The following SYNE2 variants were observed in gnomAD, a reference collection of about 807,000 sequenced individuals.
SYNE2 encodes the protein spectrin repeat containing nuclear envelope protein 2.
Under a neutral mutation model 856.3 loss-of-function variants are expected in SYNE2, and 431 were observed. That is an observed-to-expected ratio of 0.50 (90% CI 0.47 to 0.55). The LOEUF (loss-of-function observed/expected upper bound fraction) is 0.55, where lower values mean the gene tolerates loss of function less well. Among genes scored for constraint, SYNE2 ranks in the 20% least tolerant of loss-of-function variants. The pLI is 0.00. For missense variants in SYNE2, 8,129 were observed against 8,023.2 expected (o/e 1.01, Z -0.50); for synonymous variants, 2,923 against 2,872.3 (o/e 1.02, Z -0.56).
At chr14:64,171,961 G>A (rs745375957) in intron 94 of SYNE2, among the ~76,000 whole-genome samples, 2 of 152,014 alleles carry the variant, frequency 1.3e-5, no homozygotes, top group Non-Finnish European at 2.9e-5. Flanking sequence ...AGCAATTCTC[G>A]TGTCTCAGCC....
At chr14:64,032,649 C>T (rs972670196) in intron 45 of SYNE2, among the ~76,000 whole-genome samples, 5 of 151,978 alleles carry the variant, frequency 3.3e-5, no homozygotes, top group South Asian at 2.1e-4. Flanking sequence ...CTTGGCTCAC[C>T]GCAACCTCTG....
At chr14:63,965,584 C>T (rs2096380172) in intron 10 of SYNE2, among the ~76,000 whole-genome samples, 1 of 152,192 alleles carries the variant, frequency 6.6e-6, no homozygotes, top group Admixed American at 6.5e-5. Flanking sequence ...CTGTGCTTCT[C>T]CCCAGTGCTT....
intron 85 of SYNE2, 102 bp from the exon 86 acceptor site, chr14:64,158,523 C>G: frequency 7.8e-7 from 1 of 1,275,502 alleles, no homozygotes. Flanking sequence ...TCCTTCAATA[C>G]TCTCAAATTG....
At chr14:63,797,490 T>C (rs1228136546) in intron 1 of SYNE2, among the ~76,000 whole-genome samples, 1 of 151,858 alleles carries the variant, frequency 6.6e-6, no homozygotes, top group Non-Finnish European at 1.5e-5. Context: ...TAATTTCTTA[T>C]CTATAAAAAC....
chr14:63,785,421 G>A (rs1048080981), intron 1 of SYNE2, among the ~76,000 whole-genome samples: 1 of 152,036 alleles, frequency 6.6e-6, no homozygotes, highest in African/African-American at 2.4e-5. Flanking sequence ...TTGTGCCACT[G>A]CACTCCAGTC....
intron 58 of SYNE2, among the ~76,000 whole-genome samples, chr14:64,089,114 C>G (rs2097585163): frequency 6.6e-6 from 1 of 151,890 alleles, no homozygotes. Flanking sequence ...ACCTGTAATC[C>G]CAGCACTTTG....
intron 2 of SYNE2, among the ~76,000 whole-genome samples, chr14:63,930,399 A>T (rs558463202): frequency 2.4e-4 from 36 of 151,838 alleles, no homozygotes; most frequent in Non-Finnish European, 2.6e-4. Context: ...GTTAATTTTT[A>T]AAAAAAATTC....
chr14:64,207,868 C>G, intron 100 of SYNE2: 1 of 383,652 alleles, frequency 2.6e-6, no homozygotes, highest in Non-Finnish European at 5.2e-6. Context: ...GCTGTGGTCT[C>G]ATGTCACTTG....
At chr14:64,189,013 A>C (rs1278574996) in intron 98 of SYNE2, 2 of 702,124 alleles carry the variant, frequency 2.8e-6, no homozygotes, top group Admixed American at 2.0e-5. Context: ...ACCCCAAGTG[A>C]GTTAGGGTTT....
chr14:64,176,948 C>G (rs1340640389), intron 95 of SYNE2, among the ~76,000 whole-genome samples: 1 of 152,116 alleles, frequency 6.6e-6, no homozygotes, highest in Non-Finnish European at 1.5e-5. Flanking sequence ...CAGGCACATA[C>G]CACCACACCC....
chr14:64,166,362 G>T (rs1322898375), intron 90 of SYNE2, among the ~76,000 whole-genome samples: 1 of 152,136 alleles, frequency 6.6e-6, no homozygotes, highest in East Asian at 1.9e-4. Flanking sequence ...TGCTTATCCT[G>T]ACCTAGAATA....
chr14:63,842,574 C>A lies in SYNE2; in HGVS notation c.-304-9927C>A, dbSNP rs145580538. Among the ~76,000 whole-genome samples, 622 of 152,116 alleles carry A rather than the reference C, an allele frequency of 4.1e-3. 2 individuals carry two copies. Among genetic ancestry groups the A allele is most frequent in the Non-Finnish European group, 7.4e-3 (503 of 68,000 alleles). ...CTCCCGGGTTCAAGTGATTCTCCTG[C>A]CTCAGCCTTCTGAGTAGCTGGGATT... On this transcript the variant is annotated intron_variant, in intron 1 of 23. Coordinates refer to the SYNE2 transcript ENST00000674003.
chr14:63,954,841 A>T lies in SYNE2; in HGVS notation c.713A>T (p.Asn238Ile). 6.2e-7 allele frequency: 1 copy of T among 1,614,086 alleles called. No individual in the cohort carries two copies. The highest frequency in any genetic ancestry group is 1.7e-5 in the Admixed American group (1 of 60,022). Residue 238 changes from asparagine (N) to isoleucine (I), a missense_variant, in exon 8 of 116, where the codon AAC (asparagine) becomes ATC (isoleucine). Asn to Ile is a moderately radical substitution (Grantham distance 149). Coordinates refer to ENST00000555002, the MANE Select transcript of SYNE2 (RefSeq NM_182914.3). Reference sequence around the variant, plus strand: ...ATGAAGAGTGTGAAGCATAGATCCAACAAAGACAATCTGAGAGAGGCCTTC... The same window carrying T: ...ATGAAGAGTGTGAAGCATAGATCCATCAAAGACAATCTGAGAGAGGCCTTC... ...IDMKSVKHRSNKDNLREAFRI... is the reference protein window; with the variant it reads ...IDMKSVKHRSIKDNLREAFRI...
At chr14:64,038,131 G>A (rs1281096474) in intron 45 of SYNE2, among the ~76,000 whole-genome samples, 415 of 151,002 alleles carry the variant, frequency 2.7e-3, no homozygotes, top group South Asian at 8.3e-3. Flanking sequence ...ACGGGGTCCC[G>A]GCCGGGCAGA....
chr14:64,095,729 T>C (rs960398366), intron 61 of SYNE2, among the ~76,000 whole-genome samples: 1 of 152,196 alleles, frequency 6.6e-6, no homozygotes, highest in Non-Finnish European at 1.5e-5. Flanking sequence ...ATGCATACTT[T>C]CCATTTTTTC....
At chr14:64,012,867 A>G (rs761272854) in intron 32 of SYNE2, among the ~76,000 whole-genome samples, 11 of 152,210 alleles carry the variant, frequency 7.2e-5, no homozygotes, top group South Asian at 2.1e-4. Flanking sequence ...CAAACAGTCC[A>G]TTTCTGTAGC....
intron 108 of SYNE2, among the ~76,000 whole-genome samples, chr14:64,217,262 C>T (rs1427482377): frequency 1.4e-5 from 2 of 147,518 alleles, no homozygotes; most frequent in Non-Finnish European, 3.0e-5. Flanking sequence ...AAGTAATGGT[C>T]GTGATTATTA....
At chr14:64,038,164 G>A (rs2097113522) in intron 45 of SYNE2, among the ~76,000 whole-genome samples, 1 of 152,134 alleles carries the variant, frequency 6.6e-6, no homozygotes, top group Admixed American at 6.5e-5. Flanking sequence ...ATCCCAGACG[G>A]GGCGGCGGGG....
intron 37 of SYNE2, 49 bp from the exon 38 acceptor site, chr14:64,022,702 T>C (rs771975639): frequency 1.1e-6 from 1 of 915,850 alleles, no homozygotes; most frequent in Non-Finnish European, 1.8e-6. Flanking sequence ...TTTAACAAGA[T>C]GTATGAAGTC....
Sources: gnomAD v4.1 joint callset for allele counts (sites outside exome capture counted in the v4.1 genomes callset) on GRCh38, gnomAD v4.1.1 for gene constraint, MANE v1.5 for transcripts, NCBI Gene and HGNC (gene_info 2026-07-23, HGNC 2026-07-21) for gene names.